Variants in SBF2 observed in about 807,000 individuals in gnomAD.
SBF2 encodes the protein myotubularin-related protein 13.
A neutral mutation model predicts 225.2 loss-of-function variants in SBF2; 112 were observed. The ratio of observed to expected loss-of-function variants is 0.50; its 90% CI spans 0.43 to 0.58. The LOEUF (loss-of-function observed/expected upper bound fraction) is 0.58. Ranked by LOEUF, SBF2 falls within the 20% of genes least tolerant of loss-of-function variation. SBF2 has a pLI of 0.00. For synonymous variants in SBF2, 763 were observed against 773.3 expected (o/e 0.99, Z 0.22); for missense variants, 1,996 against 2,206.2 (o/e 0.90, Z 1.91).
chr11:10,253,235 T>C (rs748145462), intron 1 of SBF2, among the ~76,000 whole-genome samples: 7 of 151,590 alleles, frequency 4.6e-5, no homozygotes, highest in African/African-American at 7.3e-5. Context: ...GTTTCTATAA[T>C]ATGCTTCTAC....
At chr11:10,291,657 A>AACAC (rs10580039) in intron 1 of SBF2, among the ~76,000 whole-genome samples, 389 of 146,070 alleles carry the variant, frequency 2.7e-3, no homozygotes, top group African/African-American at 7.1e-3. Context: ...TAATCCACTA[A>AACAC]ACACACACAC....
intron 16 of SBF2, among the ~76,000 whole-genome samples, chr11:9,927,644 T>A (rs2134245737): frequency 6.6e-6 from 1 of 152,286 alleles, no homozygotes; most frequent in African/African-American, 2.4e-5. Context: ...AATCAACCAA[T>A]GTAATTCACC....
At chr11:10,154,277 T>A (rs1259574751) in intron 2 of SBF2, among the ~76,000 whole-genome samples, 1 of 152,130 alleles carries the variant, frequency 6.6e-6, no homozygotes, top group Non-Finnish European at 1.5e-5. Context: ...GTTTTAGTAG[T>A]GTTTGGAGAT....
intron 6 of SBF2, among the ~76,000 whole-genome samples, chr11:10,014,623 C>A (rs1019210861): frequency 1.9e-4 from 28 of 150,372 alleles, no homozygotes; most frequent in African/African-American, 6.1e-4. Flanking sequence ...ACTAAAGTAA[C>A]TTAGTTTTTT....
intron 2 of SBF2, among the ~76,000 whole-genome samples, chr11:10,053,024 T>G (rs1248434406): frequency 1.3e-5 from 2 of 152,186 alleles, no homozygotes; most frequent in African/African-American, 4.8e-5. Context: ...TATGTATGTG[T>G]GTGTGTGTAT....
Position 9,913,826 on chromosome 11 carries a change from T to C in SBF2, c.1861-17815A>G, listed in dbSNP as rs576660951. 5.9e-5 allele frequency among the ~76,000 whole-genome samples: 9 copies of C among 152,232 alleles called. No homozygotes were observed. The South Asian group carries it at 1.9e-3, about 32-fold the overall frequency. On this transcript the variant is annotated intron_variant, in intron 16 of 39. Transcript: ENST00000256190. ...TTCCCTGACACTTTACCACAATACA[T>C]TAGTAAAGGCCTACTTACAGCAGCT...
chr11:10,205,689 A>G (rs1591210242), intron 1 of SBF2, among the ~76,000 whole-genome samples: 1 of 152,156 alleles, frequency 6.6e-6, no homozygotes, highest in Middle Eastern at 3.4e-3. Context: ...AGCCAGGGAA[A>G]GCACTTTCCT....
intron 17 of SBF2, among the ~76,000 whole-genome samples, chr11:9,893,733 T>C (rs1861020236): frequency 6.6e-6 from 1 of 152,174 alleles, no homozygotes; most frequent in South Asian, 2.1e-4. Context: ...TTCTGGTCTC[T>C]TGAAATTCGA....
At chr11:10,000,134 G>A (rs1947895885) in intron 8 of SBF2, among the ~76,000 whole-genome samples, 1 of 152,106 alleles carries the variant, frequency 6.6e-6, no homozygotes, top group Non-Finnish European at 1.5e-5. Flanking sequence ...CTTTTACTGG[G>A]CAGAAATCTG....
intron 32 of SBF2, among the ~76,000 whole-genome samples, chr11:9,800,624 G>GTCTC (rs1262521196): frequency 6.6e-6 from 1 of 152,114 alleles, no homozygotes; most frequent in African/African-American, 2.4e-5. Flanking sequence ...AGCCAGGATG[G>GTCTC]TCTCTATCTC....
chr11:10,099,316 A>G (rs540637243), intron 2 of SBF2, among the ~76,000 whole-genome samples: 1 of 152,312 alleles, frequency 6.6e-6, no homozygotes, highest in East Asian at 1.9e-4. Flanking sequence ...AATATATTCA[A>G]AGGGCTGAAA....
At chr11:9,900,032 T>C (rs1013345295) in intron 16 of SBF2, among the ~76,000 whole-genome samples, 1 of 50,902 alleles carries the variant, frequency 2.0e-5, no homozygotes, top group African/African-American at 1.1e-4. Context: ...TTTTCTTCTT[T>C]TTTTTTTTTT....
chr11:10,117,532 G>C (rs1300098287), intron 2 of SBF2, among the ~76,000 whole-genome samples: 12 of 151,816 alleles, frequency 7.9e-5, no homozygotes, highest in African/African-American at 2.7e-4. Flanking sequence ...ATCACAAATG[G>C]GACCCATTAC....
intron 2 of SBF2, among the ~76,000 whole-genome samples, chr11:10,052,859 T>G (rs951282961): frequency 6.6e-6 from 1 of 152,220 alleles, no homozygotes; most frequent in African/African-American, 2.4e-5. Flanking sequence ...GTTCTTTCAC[T>G]TCTAAATTAC....
chr11:10,273,970 T>C (rs1282621828), intron 1 of SBF2, among the ~76,000 whole-genome samples: 3 of 152,220 alleles, frequency 2.0e-5, no homozygotes, highest in African/African-American at 7.2e-5. Context: ...GACTACAGAC[T>C]GAAAAGGAGG....
intron 2 of SBF2, among the ~76,000 whole-genome samples, chr11:10,066,487 G>GAA (rs1345456445): frequency 5.3e-5 from 8 of 151,960 alleles, no homozygotes; most frequent in African/African-American, 1.9e-4. Flanking sequence ...ATTTTAACAT[G>GAA]TTTACATAAA....
chr11:10,253,382 T>C (rs1033379726), intron 1 of SBF2, among the ~76,000 whole-genome samples: 8 of 152,194 alleles, frequency 5.3e-5, no homozygotes, highest in Non-Finnish European at 7.3e-5. Context: ...ATGCAAGAGA[T>C]AGACGTAAGA....
At chr11:10,266,688 G>A (rs11042703) in intron 1 of SBF2, among the ~76,000 whole-genome samples, 74,960 of 152,062 alleles carry the variant, frequency 0.49, 18,857 homozygotes, top group Non-Finnish European at 0.54. Context: ...GATGATGACA[G>A]TGATGATGAT....
chr11:10,107,137 A>G (rs995542947), intron 2 of SBF2, among the ~76,000 whole-genome samples: 13 of 152,220 alleles, frequency 8.5e-5, no homozygotes, highest in African/African-American at 2.9e-4. Context: ...ACATACTTAA[A>G]TAAGTCCAGG....
Sources: gnomAD v4.1 joint callset for allele counts (sites outside exome capture counted in the v4.1 genomes callset) on GRCh38, gnomAD v4.1.1 for gene constraint, MANE v1.5 for transcripts, NCBI Gene and HGNC (gene_info 2026-07-23, HGNC 2026-07-21) for gene names.